Variants in EHD2 observed in about 807,000 individuals in gnomAD.
EHD2 encodes the protein EH domain-containing protein 2.
A neutral mutation model predicts 41.0 loss-of-function variants in EHD2; 27 were observed. The observed-to-expected ratio is 0.66, with a 90% CI of 0.49 to 0.91. The LOEUF is 0.91. EHD2 is among the 40% of genes least tolerant of loss of function. The pLI, the probability that EHD2 is intolerant of heterozygous loss-of-function variation, is 0.00. For synonymous variants in EHD2, 342 were observed against 341.0 expected (o/e 1.00, Z -0.03); for missense variants, 673 against 773.9 (o/e 0.87, Z 1.55).
Position 47,742,254 on chromosome 19 carries a change from A to C in EHD2, c.*822A>C. 3 of 298,896 alleles carry C rather than the reference A, an allele frequency of 1.0e-5. No homozygotes were observed. The highest frequency in any genetic ancestry group is 1.9e-5 in the Non-Finnish European group (3 of 157,316). 18.5% of individuals were successfully genotyped at this position (298,896 alleles called of 1,614,324 possible). ...TGTTTTTGCCCCCAGTTCTGTCCAC[A>C]CCCCTTCCCTTTCCTGTCCTGTCCT... On this transcript the variant is annotated 3_prime_UTR_variant, in exon 6 of 6. Coordinates refer to ENST00000263277, the MANE Select transcript of EHD2 (RefSeq NM_014601.4).
At chr19:47,718,039 G>A (rs1452067045) in intron 2 of EHD2, among the ~76,000 whole-genome samples, 1 of 149,576 alleles carries the variant, frequency 6.7e-6, no homozygotes, top group Non-Finnish European at 1.5e-5. Context: ...TTGGGAGGCT[G>A]AGGCGGGCAG....
At chr19:47,731,322 T>TATATATATATATA (rs1973814100) in intron 4 of EHD2, 1 of 84,626 alleles carries the variant, frequency 1.2e-5, no homozygotes, top group Non-Finnish European at 2.9e-5. Flanking sequence ...ATAATTTTTT[T>TATATATATATATA]TTTTTTAGAT....
At chr19:47,729,973 C>A (rs745879941) in intron 4 of EHD2, among the ~76,000 whole-genome samples, 16 of 152,158 alleles carry the variant, frequency 1.1e-4, no homozygotes, top group African/African-American at 3.9e-4. Context: ...TCCGCCGCCG[C>A]CCTCTCTCTG....
chr19:47,741,370 G>T lies in EHD2; in HGVS notation c.1570G>T (p.Ala524Ser), dbSNP rs796785999. The T allele has an allele frequency of 1.2e-6, 2 of 1,606,004 alleles. No homozygotes were observed. The highest frequency in any genetic ancestry group is 1.3e-5 in the African/African-American group (1 of 74,974). ...EAKLEGHGLPANLPRRLVPPS... is the reference protein window; with the variant it reads ...EAKLEGHGLPSNLPRRLVPPS... The stretch of plus-strand genomic sequence containing the variant: ...CAAGCTGGAAGGCCACGGGCTGCCC[G>T]CCAACCTGCCCCGTCGCCTGGTGCC... The change falls in exon 6 of 6, where the codon GCC (alanine) becomes TCC (serine). Residue 524 changes from alanine (A) to serine (S), a missense_variant. By Grantham distance (99) the Ala-to-Ser change is moderately conservative. Transcript: ENST00000263277. This position sits in a 1 kb window ranked among gnomAD's most constrained non-coding sequence, Gnocchi z 4.5.
At chr19:47,717,075 T>G in intron 2 of EHD2, 59 bp downstream of exon 2, 2 of 1,592,284 alleles carry the variant, frequency 1.3e-6, no homozygotes, top group Non-Finnish European at 1.7e-6. Context: ...AGACAGAGTT[T>G]CCGCTCTTTT....
intron 5 of EHD2, among the ~76,000 whole-genome samples, chr19:47,737,320 T>A (rs1289962218): frequency 9.2e-5 from 14 of 151,944 alleles, no homozygotes. Context: ...TTTCATTTAT[T>A]TATTTGAGAC....
chr19:47,730,980 A>G (rs1568591609), intron 4 of EHD2, among the ~76,000 whole-genome samples: 3 of 151,952 alleles, frequency 2.0e-5, no homozygotes, highest in Non-Finnish European at 4.4e-5. Context: ...GTTATGAAGA[A>G]AAATGAAGCG....
chr19:47,726,041 G>A lies in EHD2; in HGVS notation c.732G>A (p.Val244=). 1 of 1,592,548 alleles carries A rather than the reference G, an allele frequency of 6.3e-7. No homozygotes were observed. Among genetic ancestry groups the A allele is most frequent in the Non-Finnish European group, 8.6e-7 (1 of 1,169,336 alleles). Residue 244 remains valine (V), a synonymous_variant, in exon 4 of 6, where the codon GTG becomes GTA. Transcript: ENST00000263277. Reference sequence around the variant, plus strand: ...TCATGTGGGCGCTGGGCAAGGTGGTGGGCACGCCCGAGGTGCTGCGCGTCT... The same window carrying A: ...TCATGTGGGCGCTGGGCAAGGTGGTAGGCACGCCCGAGGTGCTGCGCGTCT... The part of the protein sequence containing the change: ...GALMWALGKV[V]GTPEVLRVYI...
intron 4 of EHD2, among the ~76,000 whole-genome samples, chr19:47,728,547 CTT>C: frequency 6.7e-6 from 1 of 150,044 alleles, no homozygotes; most frequent in Non-Finnish European, 1.5e-5. Context: ...CTTTCTTTCT[CTT>C]TCTCTTTCTT....
chr19:47,734,112 T>C (rs1283239135), intron 4 of EHD2, among the ~76,000 whole-genome samples: 1 of 152,098 alleles, frequency 6.6e-6, no homozygotes, highest in Admixed American at 6.6e-5. Flanking sequence ...CTTGGGTGTC[T>C]CCCCAGGCAA....
At chr19:47,739,264 C>A (rs1001198129) in intron 5 of EHD2, among the ~76,000 whole-genome samples, 1 of 133,796 alleles carries the variant, frequency 7.5e-6, no homozygotes, top group Non-Finnish European at 1.5e-5. Flanking sequence ...CCACACCTGG[C>A]TAATTTTTAA....
intron 5 of EHD2, among the ~76,000 whole-genome samples, chr19:47,739,919 A>C (rs573659279): frequency 6.6e-6 from 1 of 152,258 alleles, no homozygotes; most frequent in African/African-American, 2.4e-5. Flanking sequence ...GCTCTCACTC[A>C]TCAGAGGGGC....
At chr19:47,728,921 G>T (rs536686095) in intron 4 of EHD2, among the ~76,000 whole-genome samples, 1 of 151,216 alleles carries the variant, frequency 6.6e-6, no homozygotes, top group East Asian at 1.9e-4. Context: ...GCCCGGAACA[G>T]AATTGGTGCT....
At chr19:47,715,640 G>A (rs80064955) in intron 1 of EHD2, among the ~76,000 whole-genome samples, 2,554 of 152,146 alleles carry the variant, frequency 0.017, 83 homozygotes, top group East Asian at 0.15. Flanking sequence ...TGAATGAAGC[G>A]ATTAAGGAAT....
chr19:47,718,621 A>G lies in EHD2; in HGVS notation c.502+15A>G, dbSNP rs1440909829. ...AGTGAGCCGCGGTGAGTGGGGCCAG[A>G]CCCTGGGGTCTGAGGGAGGAGGGGC... On this transcript the variant is annotated intron_variant, in intron 3 of 5. Transcript: ENST00000263277. 1.3e-6 allele frequency: 2 copies of G among 1,552,378 alleles called. No homozygotes were observed. The highest frequency in any genetic ancestry group is 1.7e-6 in the Non-Finnish European group (2 of 1,147,192).
intron 5 of EHD2, among the ~76,000 whole-genome samples, chr19:47,740,421 A>C (rs1300287837): frequency 6.6e-6 from 1 of 150,856 alleles, no homozygotes; most frequent in East Asian, 1.9e-4. Context: ...CCTAAGTGAC[A>C]GAGCGAGACC....
chr19:47,736,920 G>T (rs1168022684), intron 5 of EHD2, among the ~76,000 whole-genome samples: 2 of 152,176 alleles, frequency 1.3e-5, no homozygotes, highest in African/African-American at 4.8e-5. Flanking sequence ...CATTGTGTCT[G>T]CGTTCCAGCC....
intron 4 of EHD2, among the ~76,000 whole-genome samples, chr19:47,735,671 G>A (rs1227572876): frequency 1.3e-5 from 2 of 152,052 alleles, no homozygotes; most frequent in East Asian, 1.9e-4. Context: ...GGGAGGCCAC[G>A]GCGGGTGGAT....
intron 4 of EHD2, chr19:47,731,279 A>AATATATATATATATATATAT (rs1172889255): frequency 1.6e-5 from 1 of 60,928 alleles, no homozygotes; most frequent in African/African-American, 4.9e-5. Context: ...AAAAAAAAAA[A>AATATATATATATATATATAT]ATATATATAT....
Sources: allele counts gnomAD v4.1 joint callset (sites outside exome capture counted in the v4.1 genomes callset), GRCh38; gene constraint gnomAD v4.1.1; non-coding constraint Gnocchi (gnomAD v3.1); transcripts MANE v1.5; gene names NCBI Gene and HGNC (gene_info 2026-07-23, HGNC 2026-07-21).